The following RHPN1 variants were observed in gnomAD, a reference collection of about 807,000 sequenced individuals.
The protein encoded by RHPN1 is rhophilin-1.
A neutral mutation model predicts 74.7 loss-of-function variants in RHPN1; 77 were observed. That is an observed-to-expected ratio of 1.03 (90% CI 0.86 to 1.25). RHPN1 has a LOEUF of 1.25. Among genes scored for constraint, RHPN1 ranks in the 50% most tolerant of loss-of-function variants. The pLI is 0.00. For missense variants in RHPN1, 987 were observed against 932.2 expected (o/e 1.06, Z -0.77); for synonymous variants, 444 against 414.5 (o/e 1.07, Z -0.87).
rs541041295 is a variant in RHPN1 at position 143,372,491 on chromosome 8, C to T, written c.61-3062C>T. Among the ~76,000 whole-genome samples, 15 of 151,782 alleles carry T rather than the reference C, an allele frequency of 9.9e-5. No homozygotes were observed. In the South Asian group the frequency reaches 1.2e-3, roughly 13 times the overall value. ...GAGGGTTCCCAAGTGCACATCGGCCCGTCCGCTGCTGGGTGGTGTCCACGG... is the reference window on the plus strand; with the variant it reads ...GAGGGTTCCCAAGTGCACATCGGCCTGTCCGCTGCTGGGTGGTGTCCACGG... On this transcript the variant is annotated intron_variant, in intron 1 of 14. Transcript: ENST00000289013.
chr8:143,370,900 C>A (rs1203411119), intron 1 of RHPN1, among the ~76,000 whole-genome samples: 1 of 152,198 alleles, frequency 6.6e-6, no homozygotes, highest in Non-Finnish European at 1.5e-5. Context: ...GGGGAGCAGG[C>A]TGCAGAGGGA....
upstream of RHPN1, among the ~76,000 whole-genome samples, chr8:143,364,329 G>A (rs1041331258): frequency 6.6e-5 from 10 of 152,268 alleles, no homozygotes; most frequent in East Asian, 1.2e-3. The surrounding 1 kb of genome is among the most constrained non-coding windows in gnomAD (Gnocchi z 4.5). Flanking sequence ...AACCATGGGC[G>A]TCTCCCTCCC....
Position 143,368,980 on chromosome 8 carries a change from G to A in RHPN1, c.-8G>A. 1 of 1,479,352 alleles carries A rather than the reference G, an allele frequency of 6.8e-7. No homozygotes were observed. The highest frequency in any genetic ancestry group is 1.5e-5 in the African/African-American group (1 of 68,024). 91.6% of individuals were successfully genotyped at this position (1,479,352 alleles called of 1,614,324 possible). ...CCCCGAGGGACCCCCAGCGCAGCGG[G>A]TGCGGCGATGATCCTGGAGGAGAGG... On this transcript the variant is annotated 5_prime_UTR_variant, in exon 1 of 15. It adds an upstream start codon to the 5' untranslated region. Coordinates refer to ENST00000289013, the MANE Select transcript of RHPN1 (RefSeq NM_052924.3).
chr8:143,379,356 A>G lies in RHPN1; in HGVS notation c.793A>G (p.Ser265Gly), dbSNP rs1286712068. The G allele has an allele frequency of 7.5e-6, 12 of 1,603,190 alleles. No individual in the cohort carries two copies. Among genetic ancestry groups the G allele is most frequent in the Non-Finnish European group, 1.0e-5 (12 of 1,174,576 alleles). The change falls in exon 8 of 15, where the codon AGC becomes GGC. Residue 265 changes from serine (S) to glycine (G), a missense_variant. Coordinates refer to ENST00000289013, the MANE Select transcript of RHPN1 (RefSeq NM_052924.3). Reference protein sequence around the residue: ...LLRENFSHAPSPDMSAASLCA... With the variant: ...LLRENFSHAPGPDMSAASLCA... ...GAGGGAGAACTTCTCCCATGCGCCG[A>G]GCCCAGACATGAGCGCTGCGTCCCT...
chr8:143,371,885 C>A (rs1817845135), intron 1 of RHPN1, among the ~76,000 whole-genome samples: 1 of 152,220 alleles, frequency 6.6e-6, no homozygotes, highest in African/African-American at 2.4e-5. Context: ...GTCTATGCCC[C>A]TTCCACTGGG....
In RHPN1 at chr8:143,378,418, A is replaced by G; in HGVS notation, c.459+72A>G. ...ACATGCGGAGGCTGAAGCTGAAGTC[A>G]GGAACAGACAGAGGAGCTCAGCGTA... On this transcript the variant is annotated intron_variant, in intron 5 of 14. Coordinates refer to ENST00000289013, the MANE Select transcript of RHPN1 (RefSeq NM_052924.3). 3.3e-6 allele frequency: 4 copies of G among 1,199,270 alleles called. No homozygotes were observed. In the East Asian group the frequency reaches 8.3e-5, roughly 25 times the overall value. The allele number at this position is 1,199,270 out of a possible 1,614,324, so 74.3% of individuals were successfully genotyped here.
At position 143,376,621 on chromosome 8, in the gene RHPN1, C is replaced by T. The variant is rs755084055; in HGVS notation, c.273C>T (p.Leu91=). 1 of 1,586,764 alleles carries T rather than the reference C, an allele frequency of 6.3e-7. No homozygotes were observed. The highest frequency in any genetic ancestry group is 8.6e-7 in the Non-Finnish European group (1 of 1,166,978). The change falls in exon 3 of 15, where the codon CTC becomes CTT. Residue 91 remains leucine, a synonymous_variant. Coordinates refer to ENST00000289013, the MANE Select transcript of RHPN1 (RefSeq NM_052924.3). The part of the protein sequence containing the change: ...LQLLKEELEE[L]SGGVDPGRHG... ...TGCTGAAGGAGGAGCTGGAGGAGCT[C>T]AGCGGTGGCGTGGACCCTGGCCGGC...
intron 8 of RHPN1, 94 bp from the exon 9 acceptor site, chr8:143,379,735 G>T (rs964681290): frequency 6.7e-7 from 1 of 1,481,700 alleles, no homozygotes; most frequent in African/African-American, 1.4e-5. Context: ...AGGCTGCTGG[G>T]ATGGTGGTCG....
chr8:143,364,323 A>G (rs914072250), upstream of RHPN1, among the ~76,000 whole-genome samples: 6 of 152,194 alleles, frequency 3.9e-5, no homozygotes, highest in African/African-American at 1.4e-4. The surrounding 1 kb of genome is among the most constrained non-coding windows in gnomAD (Gnocchi z 4.5). Context: ...CAGGCCAACC[A>G]TGGGCGTCTC....
At position 143,381,689 on chromosome 8, in the gene RHPN1, G is replaced by A. The variant is rs183169711; in HGVS notation, c.1606G>A (p.Ala536Thr). The A allele has an allele frequency of 2.9e-4, 460 of 1,611,154 alleles. 3 individuals carry two copies. The African/African-American group carries it at 5.4e-3, about 19-fold the overall frequency. Residue 536 changes from alanine (A) to threonine (T), a missense_variant, in exon 13 of 15, where the codon GCT becomes ACT. Physicochemically the swap from Ala to Thr is moderately conservative, Grantham distance 58 (BLOSUM62 0). Coordinates refer to ENST00000289013, the MANE Select transcript of RHPN1 (RefSeq NM_052924.3). Reference sequence around the variant, plus strand: ...TCGGGGAGACTCGCCTGTCCTCATCGCTGCCGTCATTCCAGGGAGCCAGGC... The same window carrying A: ...TCGGGGAGACTCGCCTGTCCTCATCACTGCCGTCATTCCAGGGAGCCAGGC... The part of the protein sequence containing the change: ...TLRGDSPVLI[A>T]AVIPGSQAAA...
In RHPN1 at chr8:143,383,224, C is replaced by A. The variant is rs72703720; in HGVS notation, c.*573C>A. The A allele has an allele frequency of 3.9e-4, 60 of 155,782 alleles. No homozygotes were observed. The highest frequency in any genetic ancestry group is 6.5e-4 in the Non-Finnish European group (46 of 70,440). The allele number at this position is 155,782 out of a possible 1,614,324, so 9.6% of individuals were successfully genotyped here. A position where few individuals can be genotyped will look rare whatever the true frequency, so the allele number is the denominator to read the frequency against. ...CACCTCTGCGCCCTGTGCTGGTCAT[C>A]ATGGGCTCTGTGCTGGTCAACCCAG... On this transcript the variant is annotated 3_prime_UTR_variant, in exon 15 of 15. Coordinates refer to ENST00000289013, the MANE Select transcript of RHPN1 (RefSeq NM_052924.3).
chr8:143,376,568 C>G lies in RHPN1; in HGVS notation c.220C>G (p.Leu74Val). 6.2e-7 allele frequency: 1 copy of G among 1,611,550 alleles called. No homozygotes were observed. The highest frequency in any genetic ancestry group is 8.5e-7 in the Non-Finnish European group (1 of 1,179,236). ...NRVRETVALE[L>V]SYVNSNLQLL... ...GGTGAGAGAGACGGTCGCCCTGGAG[C>G]TGAGCTACGTCAACTCCAACCTGCA... Residue 74 changes from leucine (L) to valine (V), a missense_variant, in exon 3 of 15, where the codon CTG becomes GTG. Transcript: ENST00000289013.
rs182091691 is a variant in RHPN1 at position 143,372,245 on chromosome 8, G to T, written c.60+3198G>T. Among the ~76,000 whole-genome samples the T allele has an allele frequency of 2.3e-4, 35 of 150,946 alleles. No homozygotes were observed. The East Asian group carries it at 6.3e-3, about 27-fold the overall frequency. ...TGTAGCTGCGGTGGGTGGCACGGGGGTCTCCTAGGTACTGGGCAGAGGCCC... is the reference window on the plus strand; with the variant it reads ...TGTAGCTGCGGTGGGTGGCACGGGGTTCTCCTAGGTACTGGGCAGAGGCCC... On this transcript the variant is annotated intron_variant, in intron 1 of 14. Coordinates refer to ENST00000289013, the MANE Select transcript of RHPN1 (RefSeq NM_052924.3).
At position 143,382,704 on chromosome 8, in the gene RHPN1, G is replaced by T; in HGVS notation, c.*53G>T. On this transcript the variant is annotated 3_prime_UTR_variant, in exon 15 of 15. Coordinates refer to ENST00000289013, the MANE Select transcript of RHPN1 (RefSeq NM_052924.3). ...CTGGCTCCAGCTGGCAGCAAGCACCGAGCATGCCCTCCCCACCCAGAGGAC... is the reference window on the plus strand; with the variant it reads ...CTGGCTCCAGCTGGCAGCAAGCACCTAGCATGCCCTCCCCACCCAGAGGAC... 1 of 1,477,120 alleles carries T rather than the reference G, an allele frequency of 6.8e-7. No homozygotes were observed. The highest frequency in any genetic ancestry group is 1.2e-5 in the South Asian group (1 of 83,176). 91.5% of individuals were successfully genotyped at this position (1,477,120 alleles called of 1,614,324 possible).
At chr8:143,365,361 G>A (rs1410731366), upstream of RHPN1, among the ~76,000 whole-genome samples, 1 of 152,214 alleles carries the variant, frequency 6.6e-6, no homozygotes, top group Non-Finnish European at 1.5e-5. Context: ...GGCCAAGCAG[G>A]AAATTTCTGG....
At position 143,375,553 on chromosome 8, in the gene RHPN1, G is replaced by C. The variant is rs191647065; in HGVS notation, c.61G>C (p.Gly21Arg). 10 of 1,588,338 alleles carry C rather than the reference G, an allele frequency of 6.3e-6. 1 individual carries two copies. In the Admixed American group the frequency reaches 1.9e-4, roughly 30 times the overall value. ...GAGEESPRLQ[G>R]CDSLTQIQCG... ...GTGATCGCCTGTGGCCTCCCTGCAG[G>C]GCTGTGACTCCCTGACGCAGATCCA... Residue 21 changes from glycine to arginine, a missense_variant and splice_region_variant, in exon 2 of 15, where the codon GGC becomes CGC. By Grantham distance (125) the Gly-to-Arg change is moderately radical. Transcript: ENST00000289013.
At chr8:143,378,038 G>A (rs1818402318) in intron 4 of RHPN1, among the ~76,000 whole-genome samples, 1 of 152,198 alleles carries the variant, frequency 6.6e-6, no homozygotes, top group South Asian at 2.1e-4. Flanking sequence ...AGGGCCACAG[G>A]GGCTCCGACC....
intron 10 of RHPN1, 78 bp downstream of exon 10, chr8:143,380,253 G>A: frequency 9.9e-7 from 1 of 1,006,290 alleles, no homozygotes; most frequent in Non-Finnish European, 1.4e-6. Flanking sequence ...CCACCCTCAT[G>A]CTGTTTGCCA....
At chr8:143,379,804 G>C (rs757816230) in intron 8 of RHPN1, 25 bp from the exon 9 acceptor site, 6 of 1,592,192 alleles carry the variant, frequency 3.8e-6, no homozygotes, top group South Asian at 1.1e-5. Context: ...GGAGGCCCTC[G>C]CGTGCCTGCC....
Sources: allele counts gnomAD v4.1 joint callset (sites outside exome capture counted in the v4.1 genomes callset), GRCh38; gene constraint gnomAD v4.1.1; non-coding constraint Gnocchi (gnomAD v3.1); transcripts MANE v1.5; gene names NCBI Gene and HGNC (gene_info 2026-07-23, HGNC 2026-07-21).